The following EFCAB10 variants were observed in gnomAD, a reference collection of about 807,000 sequenced individuals.
The protein encoded by EFCAB10 is EF-hand calcium-binding domain-containing protein 10.
EFCAB10 carries 7 observed loss-of-function variants against 7.7 expected under a neutral mutation model. That is an observed-to-expected ratio of 0.91 (90% CI 0.52 to 1.72). The LOEUF is 1.72. Ranked by LOEUF, EFCAB10 falls within the 40% of genes most tolerant of loss-of-function variation. The pLI is 0.00. For synonymous variants in EFCAB10, 52 were observed against 21.0 expected (o/e 2.47, Z -4.03); for missense variants, 112 against 61.5 (o/e 1.82, Z -2.74).
chr7:105,565,504 G>A (rs754359023), intron 4 of EFCAB10, 57 bp from the exon 5 acceptor site: 7 of 1,610,680 alleles, frequency 4.3e-6, no homozygotes, highest in Non-Finnish European at 5.9e-6. Context: ...AAAGACAACT[G>A]TTATATGAAT....
chr7:105,569,179 T>C (rs1163601827), intron 3 of EFCAB10, 24 bp downstream of exon 3: 2 of 699,330 alleles, frequency 2.9e-6, no homozygotes, highest in Admixed American at 4.0e-5. Context: ...TATTAAAATA[T>C]TTGTCACTTA....
At chr7:105,574,195 CGT>C (rs1562868199) in intron 1 of EFCAB10, among the ~76,000 whole-genome samples, 4 of 148,672 alleles carry the variant, frequency 2.7e-5, no homozygotes, top group Admixed American at 1.3e-4. Flanking sequence ...TACACACACA[CGT>C]ATATATATAG....
At chr7:105,574,090 T>C (rs1435799599) in intron 1 of EFCAB10, among the ~76,000 whole-genome samples, 4 of 149,018 alleles carry the variant, frequency 2.7e-5, no homozygotes, top group African/African-American at 7.4e-5. Context: ...CCAGCAACCA[T>C]ATATATACAC....
chr7:105,565,550 C>G lies in EFCAB10; in HGVS notation c.*-103G>C. 1.9e-6 allele frequency: 3 copies of G among 1,613,674 alleles called. No homozygotes were observed. Among genetic ancestry groups the G allele is most frequent in the Non-Finnish European group, 2.5e-6 (3 of 1,179,706 alleles). ...TTCAGATAATTCTTGCTAATCACTT[C>G]AATGAAGGAGGAGCAGCCCAGCTGC... On this transcript the variant is annotated intron_variant, in intron 4 of 4. Transcript: ENST00000480514.
chr7:105,576,446 A>C lies in EFCAB10; in HGVS notation c.106+4912T>G, dbSNP rs560027008. Among the ~76,000 whole-genome samples the C allele has an allele frequency of 5.4e-5, 8 of 147,748 alleles. No homozygotes were observed. The East Asian group carries it at 1.6e-3, about 29-fold the overall frequency. Reference sequence around the variant, plus strand: ...GATATTTTAAGGAATTCTCATCATCATTATTATTATTATTAAGACAGATTC... The same window carrying C: ...GATATTTTAAGGAATTCTCATCATCCTTATTATTATTATTAAGACAGATTC... On this transcript the variant is annotated intron_variant, in intron 1 of 4. Coordinates refer to ENST00000480514, the MANE Select transcript of EFCAB10 (RefSeq NM_001355526.2).
rs115626864 is a variant in EFCAB10, at chr7:105,569,147, G to C, written c.359+56C>G. On this transcript the variant is annotated intron_variant, in intron 3 of 4. Transcript: ENST00000480514. Reference sequence around the variant, plus strand: ...GGAACCTGTTTTAAAGGTATTAATTGTGCTTCAAAATCATGCCACCTTATT... The same window carrying C: ...GGAACCTGTTTTAAAGGTATTAATTCTGCTTCAAAATCATGCCACCTTATT... 3.0e-3 allele frequency: 2,091 copies of C among 696,090 alleles called. 30 individuals are homozygous for C. The African/African-American group carries it at 0.034, about 11-fold the overall frequency. 43.1% of individuals were successfully genotyped at this position (696,090 alleles called of 1,614,324 possible).
At chr7:105,573,094 G>A (rs1791990593) in intron 1 of EFCAB10, 1 of 150,924 alleles carries the variant, frequency 6.6e-6, no homozygotes, top group South Asian at 2.1e-4. Context: ...TTCTCCCATT[G>A]CATAGGTTGT....
intron 1 of EFCAB10, 49 bp downstream of exon 1, chr7:105,581,309 G>C (rs1792228940): frequency 1.4e-6 from 1 of 694,824 alleles, no homozygotes; most frequent in Non-Finnish European, 2.6e-6. Context: ...CGTGTGGGAA[G>C]CGAACCCCAC....
intron 1 of EFCAB10, among the ~76,000 whole-genome samples, chr7:105,578,039 T>C (rs963005055): frequency 3.9e-5 from 6 of 152,154 alleles, no homozygotes; most frequent in Non-Finnish European, 8.8e-5. Context: ...GCTGGGATTA[T>C]AGGCGTGAGC....
At chr7:105,578,660 A>C (rs1792145700) in intron 1 of EFCAB10, among the ~76,000 whole-genome samples, 1 of 152,246 alleles carries the variant, frequency 6.6e-6, no homozygotes, top group Non-Finnish European at 1.5e-5. Flanking sequence ...CAGATCAAGT[A>C]TCTGATGACA....
chr7:105,565,494 A>G lies in EFCAB10; in HGVS notation c.*-47T>C, dbSNP rs860182. 8,817 of 1,610,652 alleles carry G rather than the reference A, an allele frequency of 5.5e-3. 407 individuals carry two copies. The African/African-American group carries it at 0.1, about 19-fold the overall frequency. On this transcript the variant is annotated intron_variant, in intron 4 of 4. Coordinates refer to ENST00000480514, the MANE Select transcript of EFCAB10 (RefSeq NM_001355526.2). ...TAGACTGTTTTTGGGCTGTGATAAT[A>G]AAGACAACTGTTATATGAATTATTC...
chr7:105,571,793 C>G (rs1334537453), intron 1 of EFCAB10: 1 of 151,352 alleles, frequency 6.6e-6, no homozygotes, highest in East Asian at 1.9e-4. Flanking sequence ...CCTTACAGTC[C>G]TGATTTAGCT....
intron 1 of EFCAB10, among the ~76,000 whole-genome samples, chr7:105,575,054 G>T (rs1449952545): frequency 6.6e-6 from 1 of 151,244 alleles, no homozygotes; most frequent in Non-Finnish European, 1.5e-5. Flanking sequence ...GGTGGGGGTT[G>T]CGGTGAGCCA....
Position 105,565,285 on chromosome 7 carries a change from C to T in EFCAB10, c.*162G>A. The T allele has an allele frequency of 6.3e-7, 1 of 1,587,242 alleles. No homozygotes were observed. The highest frequency in any genetic ancestry group is 8.6e-7 in the Non-Finnish European group (1 of 1,164,256). ...AAATGTGTTTTTTCCAGATGGTTGT[C>T]CTTGCCATCTCAGTCAGAGCAGGCA... is the stretch of plus-strand genomic sequence containing the variant. On this transcript the variant is annotated 3_prime_UTR_variant, in exon 5 of 5. Transcript: ENST00000480514.
chr7:105,570,268 T>TATATATATATATACACAC (rs1188257284), intron 1 of EFCAB10, among the ~76,000 whole-genome samples: 1 of 66,432 alleles, frequency 1.5e-5, no homozygotes, highest in African/African-American at 6.3e-5. Flanking sequence ...TATATATATA[T>TATATATATATATACACAC]ACACACACAC....
chr7:105,568,953 GAAA>G (rs55730992), intron 3 of EFCAB10, among the ~76,000 whole-genome samples: 8 of 121,724 alleles, frequency 6.6e-5, no homozygotes, highest in Middle Eastern at 4.3e-3. Context: ...CCATCTCAGG[GAAA>G]AAAAAAAAAA....
In EFCAB10 at chr7:105,565,265, T is replaced by G. The variant is rs774643074; in HGVS notation, c.*182A>C. The G allele has an allele frequency of 4.5e-6, 7 of 1,557,828 alleles. No individual in the cohort carries two copies. The highest frequency in any genetic ancestry group is 6.1e-6 in the Non-Finnish European group (7 of 1,153,180). On this transcript the variant is annotated 3_prime_UTR_variant, in exon 5 of 5. Coordinates refer to ENST00000480514, the MANE Select transcript of EFCAB10 (RefSeq NM_001355526.2). ...TGATGAAAATTTTTTGGTAAAAATG[T>G]GTTTTTTCCAGATGGTTGTCCTTGC... is the stretch of plus-strand genomic sequence containing the variant.
intron 1 of EFCAB10, among the ~76,000 whole-genome samples, chr7:105,570,240 A>AAAATAT (rs35907051): frequency 4.0e-4 from 10 of 24,902 alleles, no homozygotes; most frequent in African/African-American, 5.8e-4. Context: ...AAAAAAAAAA[A>AAAATAT]ATATATATAT....
At chr7:105,581,096 T>C (rs1721503) in intron 1 of EFCAB10, among the ~76,000 whole-genome samples, 16,590 of 152,132 alleles carry the variant, frequency 0.11, 1,331 homozygotes, top group African/African-American at 0.23. Context: ...GGCGGGCGCC[T>C]GTAATCTCAG....
Sources: allele counts gnomAD v4.1 joint callset (sites outside exome capture counted in the v4.1 genomes callset), GRCh38; gene constraint gnomAD v4.1.1; transcripts MANE v1.5; gene names NCBI Gene and HGNC (gene_info 2026-07-23, HGNC 2026-07-21).